CYTL1: variants seen among roughly 807,000 people sequenced by gnomAD.
CYTL1 encodes the protein cytokine like 1.
CYTL1 carries 17 observed loss-of-function variants against 13.1 expected under a neutral mutation model. That is an observed-to-expected ratio of 1.29 (90% CI 0.89 to 1.94). The LOEUF is 1.94. CYTL1 is among the 30% of genes most tolerant of loss of function. The probability of loss-of-function intolerance (pLI) is 0.00; values close to 1 mark genes in which losing one functional copy is unlikely to be tolerated. For missense variants in CYTL1, 213 were observed against 174.8 expected, an observed-to-expected ratio of 1.22 and a Z score of -1.23; for synonymous variants, 91 against 79.4, an observed-to-expected ratio of 1.15 and a Z score of -0.78.
intron 2 of CYTL1, 30 bp from the exon 3 acceptor site, chr4:5,016,994 T>C: frequency 6.2e-7 from 1 of 1,613,918 alleles, no homozygotes; most frequent in Non-Finnish European, 8.5e-7. Flanking sequence ...AGGGGGCTTG[T>C]GGGAGAAGTC....
intron 1 of CYTL1, among the ~76,000 whole-genome samples, chr4:5,018,019 A>G (rs974141409): frequency 1.2e-4 from 18 of 152,216 alleles, no homozygotes; most frequent in Non-Finnish European, 2.5e-4. Context: ...TGAACTTTTT[A>G]AACCTTTTAA....
At position 5,016,907 on chromosome 4, in the gene CYTL1, C is replaced by G. The variant is rs1741086329; in HGVS notation, c.256G>C (p.Val86Leu). The change falls in exon 3 of 4, where the codon GTG (valine) becomes CTG (leucine). Residue 86 changes from valine (V) to leucine (L), a missense_variant. Val to Leu is a conservative substitution (Grantham distance 32). Coordinates refer to ENST00000307746, the MANE Select transcript of CYTL1 (RefSeq NM_018659.3). The stretch of plus-strand genomic sequence containing the variant: ...TCCTTCAAGGAATCTACCTGGGCCA[C>G]TTTCCAACACGGGGGCGAGGCCACA... ...DFVASPPCWK[V>L]AQVDSLKDKA... The G allele has an allele frequency of 1.9e-6, 3 of 1,614,116 alleles. No individual in the cohort carries two copies. Among genetic ancestry groups the G allele is most frequent in the Non-Finnish European group, 1.7e-6 (2 of 1,180,058 alleles).
At position 5,019,407 on chromosome 4, in the gene CYTL1, GAGC is replaced by G. The variant is rs1161797163; in HGVS notation, c.36_38del (p.Leu14del). ...GCCGCGCGGCGGGGGCTCCCGCCAG[GAGC>G]AGCAGCAGCACGGGCAGAGGCCCAG... On this transcript the variant is annotated inframe_deletion, in exon 1 of 4. Transcript: ENST00000307746. 6.7e-6 allele frequency: 10 copies of G among 1,490,886 alleles called. No individual in the cohort carries two copies. Among genetic ancestry groups the G allele is most frequent in the Middle Eastern group, 2.0e-4 (1 of 5,060 alleles). The allele number at this position is 1,490,886 out of a possible 1,614,324, so 92.4% of individuals were successfully genotyped here.
At position 5,019,433 on chromosome 4, in the gene CYTL1, C is replaced by T. The variant is rs1035520153; in HGVS notation, c.13G>A (p.Gly5Arg). ...AGCAGCAGCAGCACGGGCAGAGGCC[C>T]AGGCGTCCTCATGGTGCCAGGCGCT... MRTP[G>R]PLPVLLLLLA... The change falls in exon 1 of 4, where the codon GGG becomes AGG. Residue 5 changes from glycine (G) to arginine (R), a missense_variant. Transcript: ENST00000307746. The T allele has an allele frequency of 4.1e-6, 6 of 1,473,094 alleles. No homozygotes were observed. In the African/African-American group the frequency reaches 5.9e-5, roughly 14 times the overall value. 91.3% of individuals were successfully genotyped at this position (1,473,094 alleles called of 1,614,324 possible). A position where few individuals can be genotyped will look rare whatever the true frequency, so the allele number is the denominator to read the frequency against.
chr4:5,014,976 C>T lies in CYTL1; in HGVS notation c.*175G>A. 1 of 648,496 alleles carries T rather than the reference C, an allele frequency of 1.5e-6. No individual in the cohort carries two copies. The highest frequency in any genetic ancestry group is 2.8e-6 in the Non-Finnish European group (1 of 362,764). The allele number at this position is 648,496 out of a possible 1,614,324, so 40.2% of individuals were successfully genotyped here. On this transcript the variant is annotated 3_prime_UTR_variant, in exon 4 of 4. Coordinates refer to ENST00000307746, the MANE Select transcript of CYTL1 (RefSeq NM_018659.3). ...GAAGCATGGTTGCTAACTCTATGCT[C>T]AAAGGAGGTTCCTGGGTAGGAATAC...
chr4:5,015,305 T>G, intron 3 of CYTL1, 71 bp from the exon 4 acceptor site: 1 of 1,202,000 alleles, frequency 8.3e-7, no homozygotes, highest in Non-Finnish European at 1.2e-6. Context: ...ACTGTAGGGC[T>G]CTTGGTTATC....
intron 3 of CYTL1, 87 bp downstream of exon 3, chr4:5,016,749 A>C: frequency 6.6e-7 from 1 of 1,512,348 alleles, no homozygotes; most frequent in Non-Finnish European, 9.1e-7. Context: ...CCTTGTCACC[A>C]TCTCCTCCCA....
chr4:5,018,656 T>G (rs1283558980), intron 1 of CYTL1, among the ~76,000 whole-genome samples: 1 of 152,236 alleles, frequency 6.6e-6, no homozygotes, highest in African/African-American at 2.4e-5. Context: ...CCTCTGAAGA[T>G]CGTGCTCACA....
At position 5,015,200 on chromosome 4, in the gene CYTL1, A is replaced by G. The variant is rs1741043755; in HGVS notation, c.362T>C (p.Leu121Ser). The change falls in exon 4 of 4, where the codon TTG (leucine) becomes TCG (serine). Residue 121 changes from leucine to serine, a missense_variant. Transcript: ENST00000307746. ...CGTAGTCACTGGGATTGGGTATTCC[A>G]AGGCATTGCAGTCATCCAACAGGAA... ...LVFLLDDCNALEYPIPVTTVL... is the reference protein window; with the variant it reads ...LVFLLDDCNASEYPIPVTTVL... The G allele has an allele frequency of 6.2e-7, 1 of 1,613,794 alleles. No individual in the cohort carries two copies. Among genetic ancestry groups the G allele is most frequent in the African/African-American group, 1.3e-5 (1 of 74,934 alleles).
intron 1 of CYTL1, 149 bp downstream of exon 1, chr4:5,019,144 A>G (rs1741141829): frequency 1.2e-5 from 8 of 678,610 alleles, no homozygotes; most frequent in Middle Eastern, 2.8e-4. Context: ...AAAGGAGATG[A>G]ATAAAACACA....
In CYTL1 at chr4:5,014,766, T is replaced by A. The variant is rs1237977021; in HGVS notation, c.*385A>T. The A allele has an allele frequency of 5.0e-6, 1 of 199,044 alleles. No individual in the cohort carries two copies. Among genetic ancestry groups the A allele is most frequent in the Non-Finnish European group, 1.0e-5 (1 of 99,402 alleles). The allele number at this position is 199,044 out of a possible 1,614,324, so 12.3% of individuals were successfully genotyped here. On this transcript the variant is annotated 3_prime_UTR_variant, in exon 4 of 4. Coordinates refer to ENST00000307746, the MANE Select transcript of CYTL1 (RefSeq NM_018659.3). Reference sequence around the variant, plus strand: ...GAAGCTTGGTTAAATGTAAGCAGGTTTCTATCAAGAAAGAATAAAAGTACC... The same window carrying A: ...GAAGCTTGGTTAAATGTAAGCAGGTATCTATCAAGAAAGAATAAAAGTACC...
chr4:5,019,419 C>G lies in CYTL1; in HGVS notation c.27G>C (p.Val9=), dbSNP rs760790264. ...GGGCTCCCGCCAGGAGCAGCAGCAG[C>G]ACGGGCAGAGGCCCAGGCGTCCTCA... MRTPGPLP[V]LLLLLAGAPA... The change falls in exon 1 of 4, where the codon GTG becomes GTC. Residue 9 remains valine (V), a synonymous_variant. Transcript: ENST00000307746. 5.4e-6 allele frequency: 8 copies of G among 1,484,772 alleles called. No homozygotes were observed. Among genetic ancestry groups the G allele is most frequent in the Non-Finnish European group, 6.2e-6 (7 of 1,126,068 alleles). 92.0% of individuals were successfully genotyped at this position (1,484,772 alleles called of 1,614,324 possible).
rs1741147431 is a variant in CYTL1, at chr4:5,019,351, C to T, written c.95G>A (p.Arg32Gln). 6.6e-7 allele frequency: 1 copy of T among 1,514,584 alleles called. No homozygotes were observed. The highest frequency in any genetic ancestry group is 8.8e-7 in the Non-Finnish European group (1 of 1,139,044). 93.8% of individuals were successfully genotyped at this position (1,514,584 alleles called of 1,614,324 possible). The stretch of plus-strand genomic sequence containing the variant: ...GCGGGTGATCTCCTGGCTCAGGGCC[C>T]GCATGCGGGAGTAGCAGGTCGGGGG... ...PTPPTCYSRM[R>Q]ALSQEITRDF... Residue 32 changes from arginine (R) to glutamine (Q), a missense_variant, in exon 1 of 4, where the codon CGG becomes CAG. Arg to Gln is a conservative substitution (Grantham distance 43, BLOSUM62 1). Transcript: ENST00000307746.
chr4:5,015,109 T>C lies in CYTL1; in HGVS notation c.*42A>G, dbSNP rs754484807. On this transcript the variant is annotated 3_prime_UTR_variant, in exon 4 of 4. Transcript: ENST00000307746. ...GCCCATTAAGTCTGGGTAGCTGACA[T>C]AACTGTAGTTCTCTTGGGTTCTTTC... is the stretch of plus-strand genomic sequence containing the variant. The C allele has an allele frequency of 7.7e-6, 12 of 1,551,980 alleles. No homozygotes were observed. In the South Asian group the frequency reaches 1.3e-4, roughly 17 times the overall value.
At position 5,019,422 on chromosome 4, in the gene CYTL1, G is replaced by C. The variant is rs35263598; in HGVS notation, c.24C>G (p.Pro8=). ...CTCCCGCCAGGAGCAGCAGCAGCAC[G>C]GGCAGAGGCCCAGGCGTCCTCATGG... is the stretch of plus-strand genomic sequence containing the variant. The part of the protein sequence containing the change: MRTPGPL[P]VLLLLLAGAP... The change falls in exon 1 of 4, where the codon CCC becomes CCG. Residue 8 remains proline (P), a synonymous_variant. Coordinates refer to ENST00000307746, the MANE Select transcript of CYTL1 (RefSeq NM_018659.3). 2.7e-6 allele frequency: 4 copies of C among 1,478,538 alleles called. No individual in the cohort carries two copies. Among genetic ancestry groups the C allele is most frequent in the Admixed American group, 3.0e-5 (1 of 33,064 alleles). 91.6% of individuals were successfully genotyped at this position (1,478,538 alleles called of 1,614,324 possible). A position where few individuals can be genotyped will look rare whatever the true frequency, so the allele number is the denominator to read the frequency against.
Position 5,019,343 on chromosome 4 carries a change from TCAGGGCCCGCATGCGGGAGTAG to T in CYTL1, c.81_102del (p.Cys27Ter). On this transcript the variant is annotated frameshift_variant, in exon 1 of 4. Coordinates refer to ENST00000307746, the MANE Select transcript of CYTL1 (RefSeq NM_018659.3). LOFTEE classifies it high-confidence loss of function. Reference sequence around the variant, plus strand: ...TTGAAGTCGCGGGTGATCTCCTGGCTCAGGGCCCGCATGCGGGAGTAGCAGGTCGGGGGAGTGGGCCGCGCGG... The same window carrying T: ...TTGAAGTCGCGGGTGATCTCCTGGCTCAGGTCGGGGGAGTGGGCCGCGCGG... 1 of 1,513,382 alleles carries T rather than the reference TCAGGGCCCGCATGCGGGAGTAG, an allele frequency of 6.6e-7. No homozygotes were observed. 93.7% of individuals were successfully genotyped at this position (1,513,382 alleles called of 1,614,324 possible). A position where few individuals can be genotyped will look rare whatever the true frequency, so the allele number is the denominator to read the frequency against.
At chr4:5,015,537 C>A (rs1741054839) in intron 3 of CYTL1, among the ~76,000 whole-genome samples, 1 of 152,056 alleles carries the variant, frequency 6.6e-6, no homozygotes, top group South Asian at 2.1e-4. Flanking sequence ...AATGAATGAA[C>A]CTTAGTTGCT....
At chr4:5,018,995 T>A (rs1333524336) in intron 1 of CYTL1, among the ~76,000 whole-genome samples, 1 of 142,578 alleles carries the variant, frequency 7.0e-6, no homozygotes, top group East Asian at 2.0e-4. Context: ...CCTTTTTTTT[T>A]CTTTTTTCTT....
In CYTL1 at chr4:5,019,418, G is replaced by A; in HGVS notation, c.28C>T (p.Leu10=). Residue 10 remains leucine, a synonymous_variant, in exon 1 of 4, where the codon CTG becomes TTG. Transcript: ENST00000307746. The stretch of plus-strand genomic sequence containing the variant: ...GGGGCTCCCGCCAGGAGCAGCAGCA[G>A]CACGGGCAGAGGCCCAGGCGTCCTC... The part of the protein sequence containing the change: MRTPGPLPV[L]LLLLAGAPAA... 6.7e-7 allele frequency: 1 copy of A among 1,484,004 alleles called. No individual in the cohort carries two copies. Among genetic ancestry groups the A allele is most frequent in the South Asian group, 1.3e-5 (1 of 74,790 alleles). The allele number at this position is 1,484,004 out of a possible 1,614,324, so 91.9% of individuals were successfully genotyped here.
Sources: allele counts gnomAD v4.1 joint callset (sites outside exome capture counted in the v4.1 genomes callset), GRCh38; gene constraint gnomAD v4.1.1; transcripts MANE v1.5; gene names NCBI Gene and HGNC (gene_info 2026-07-23, HGNC 2026-07-21).